The following NLE1 variants were observed in gnomAD, a reference collection of about 807,000 sequenced individuals.
The protein encoded by NLE1 is notchless homolog 1.
Under a neutral mutation model 62.8 loss-of-function variants are expected in NLE1, and 37 were observed. The ratio of observed to expected loss-of-function variants is 0.59; its 90% CI spans 0.45 to 0.78. The LOEUF (loss-of-function observed/expected upper bound fraction) is 0.78, where lower values mean the gene tolerates loss of function less well. NLE1 is among the 30% of genes least tolerant of loss of function. The pLI is 0.00. For synonymous variants in NLE1, 243 were observed against 253.0 expected (o/e 0.96, Z 0.37); for missense variants, 555 against 637.9 (o/e 0.87, Z 1.40).
intron 7 of NLE1, 113 bp downstream of exon 7, chr17:35,136,888 C>G (rs1364023644): frequency 1.9e-6 from 2 of 1,047,628 alleles, no homozygotes; most frequent in Non-Finnish European, 2.8e-6. Flanking sequence ...GACCAGGGCT[C>G]CCAGCACACA....
At position 35,136,462 on chromosome 17, in the gene NLE1, G is replaced by A. The variant is rs763290100; in HGVS notation, c.864C>T (p.His288=). The change falls in exon 8 of 13, where the codon CAC becomes CAT. Residue 288 remains histidine (H), a synonymous_variant. Transcript: ENST00000442241. ...TGCTGAGGGCCATGGTGTTCACCCA[G>A]TGGCCGTGGCCTTGCAGAGTCCGGC... ...VLCRTLQGHG[H]WVNTMALSTD... is the part of the protein sequence containing the mutation. The A allele has an allele frequency of 6.2e-7, 1 of 1,614,110 alleles. No homozygotes were observed. Among genetic ancestry groups the A allele is most frequent in the Non-Finnish European group, 8.5e-7 (1 of 1,179,946 alleles).
In NLE1 at chr17:35,141,968, C is replaced by A; in HGVS notation, c.162+11G>T. On this transcript the variant is annotated intron_variant, in intron 2 of 12. Transcript: ENST00000442241. Reference sequence around the variant, plus strand: ...GGTGGAGATGCGAGGCCGCCCTGGCCAGCCACTTACCTGGGCCAGTAGCGC... The same window carrying A: ...GGTGGAGATGCGAGGCCGCCCTGGCAAGCCACTTACCTGGGCCAGTAGCGC... 6.4e-7 allele frequency: 1 copy of A among 1,565,844 alleles called. No individual in the cohort carries two copies. Among genetic ancestry groups the A allele is most frequent in the Non-Finnish European group, 8.7e-7 (1 of 1,155,698 alleles).
In NLE1 at chr17:35,135,315, T is replaced by G; in HGVS notation, c.1148A>C (p.Asp383Ala). The G allele has an allele frequency of 6.2e-7, 1 of 1,613,936 alleles. No homozygotes were observed. Among genetic ancestry groups the G allele is most frequent in the Non-Finnish European group, 8.5e-7 (1 of 1,179,994 alleles). The change falls in exon 10 of 13, where the codon GAC becomes GCC. Residue 383 changes from aspartate to alanine, a missense_variant. Transcript: ENST00000442241. Reference protein sequence around the residue: ...ALINQVLFSPDSRIVASASFD... With the variant: ...ALINQVLFSPASRIVASASFD... Reference sequence around the variant, plus strand: ...GGAGGCACTAGCCACGATGCGGGAGTCAGGAGAGAAGAGCACCTGGTTGAT... The same window carrying G: ...GGAGGCACTAGCCACGATGCGGGAGGCAGGAGAGAAGAGCACCTGGTTGAT...
Position 35,140,039 on chromosome 17 carries a change from C to A in NLE1, c.190G>T (p.Val64Phe), listed in dbSNP as rs2091933283. Residue 64 changes from valine to phenylalanine, a missense_variant, in exon 3 of 13, where the codon GTC (valine) becomes TTC (phenylalanine). Val to Phe is a conservative substitution (Grantham distance 50). Transcript: ENST00000442241. ...GAGGAGACGATCTCAGCATCGTGGA[C>A]AAAGAAAGCCAGTGGCAGGGGATCC... The part of the protein sequence containing the change: ...QEDPLPLAFF[V>F]HDAEIVSSLG... 1 of 1,613,664 alleles carries A rather than the reference C, an allele frequency of 6.2e-7. No homozygotes were observed. Among genetic ancestry groups the A allele is most frequent in the Non-Finnish European group, 8.5e-7 (1 of 1,180,016 alleles).
rs2091865403 is a variant in NLE1 at position 35,129,751 on chromosome 17, CAT to C, written c.*2684_*2685del. The C allele has an allele frequency of 2.0e-6, 3 of 1,503,550 alleles. No homozygotes were observed. Among genetic ancestry groups the C allele is most frequent in the African/African-American group, 1.4e-5 (1 of 71,262 alleles). 93.1% of individuals were successfully genotyped at this position (1,503,550 alleles called of 1,614,324 possible). On this transcript the variant is annotated 3_prime_UTR_variant, in exon 13 of 13. Coordinates refer to ENST00000442241, the MANE Select transcript of NLE1 (RefSeq NM_018096.5). Reference sequence around the variant, plus strand: ...GAGGTTGGGAACACCCCTATGCCCACATGACTCATCTGGCTAGCTTTCCTTCT... The same window carrying C: ...GAGGTTGGGAACACCCCTATGCCCACGACTCATCTGGCTAGCTTTCCTTCT...
Position 35,133,496 on chromosome 17 carries a change from T to G in NLE1, c.1217A>C (p.Tyr406Ser). 1 of 1,610,840 alleles carries G rather than the reference T, an allele frequency of 6.2e-7. No individual in the cohort carries two copies. The highest frequency in any genetic ancestry group is 8.5e-7 in the Non-Finnish European group (1 of 1,179,002). ...CACGTGGCCGCGTAGGGAAGCCAGG[T>G]ACCTGGTCCAGGAGAAGACGATGAT... The part of the protein sequence containing the change: ...IKLWDGRTGK[Y>S]LASLRGHVAA... The change falls in exon 11 of 13, where the codon TAC becomes TCC. Residue 406 changes from tyrosine to serine, a missense_variant and splice_region_variant. Transcript: ENST00000442241.
chr17:35,129,792 A>C lies in NLE1; in HGVS notation c.*2645T>G. On this transcript the variant is annotated 3_prime_UTR_variant, in exon 13 of 13. Transcript: ENST00000442241. The stretch of plus-strand genomic sequence containing the variant: ...AGCTTTCCTTCTGCCTGGGTCAAGA[A>C]GCATCAATTCCAGAATGCATGCTTC... 2 of 1,453,396 alleles carry C rather than the reference A, an allele frequency of 1.4e-6. No homozygotes were observed. Among genetic ancestry groups the C allele is most frequent in the Non-Finnish European group, 1.8e-6 (2 of 1,106,404 alleles). 90.0% of individuals were successfully genotyped at this position (1,453,396 alleles called of 1,614,324 possible).
intron 10 of NLE1, 40 bp downstream of exon 10, chr17:35,135,209 A>G (rs775875891): frequency 3.8e-6 from 6 of 1,596,538 alleles, no homozygotes; most frequent in Non-Finnish European, 5.2e-6. Context: ...CCCTCCCACC[A>G]TTCACTCCTT....
Position 35,129,372 on chromosome 17 carries a change from G to C in NLE1, c.*3065C>G. The C allele has an allele frequency of 6.3e-7, 1 of 1,588,176 alleles. No homozygotes were observed. The highest frequency in any genetic ancestry group is 8.6e-7 in the Non-Finnish European group (1 of 1,164,478). On this transcript the variant is annotated 3_prime_UTR_variant, in exon 13 of 13. Coordinates refer to ENST00000442241, the MANE Select transcript of NLE1 (RefSeq NM_018096.5). ...CCCCAGTTGGGAGGGTGAAGGGACA[G>C]GAAGGACAGGACATATCTGAGGAAG... is the stretch of plus-strand genomic sequence containing the variant.
chr17:35,133,071 A>T, intron 12 of NLE1, 100 bp downstream of exon 12: 1 of 1,169,144 alleles, frequency 8.6e-7, no homozygotes, highest in Non-Finnish European at 1.3e-6. Context: ...GAGCACCTGG[A>T]CGGCCCTGCG....
intron 10 of NLE1, 131 bp downstream of exon 10, chr17:35,135,118 A>G (rs774124214): frequency 6.7e-5 from 55 of 821,672 alleles, no homozygotes; most frequent in Non-Finnish European, 1.1e-4. Flanking sequence ...GGGGGTCTGC[A>G]TATTACCAAA....
chr17:35,141,609 T>C (rs2091944541), intron 2 of NLE1, among the ~76,000 whole-genome samples: 1 of 150,996 alleles, frequency 6.6e-6, no homozygotes, highest in African/African-American at 2.4e-5. Context: ...GGTATTCGGA[T>C]AGTTTTGGGT....
rs1325347055 is a variant in NLE1 at position 35,137,865 on chromosome 17, T to C, written c.486A>G (p.Ile162Met). The C allele has an allele frequency of 2.5e-6, 4 of 1,613,506 alleles. No homozygotes were observed. In the South Asian group the frequency reaches 4.4e-5, roughly 18 times the overall value. The change falls in exon 5 of 13, where the codon ATA (isoleucine) becomes ATG (methionine). Residue 162 changes from isoleucine (I) to methionine (M), a missense_variant. Physicochemically the swap from Ile to Met is conservative, Grantham distance 10. Transcript: ENST00000442241. ...CKGHRHWVLS[I>M]SWSPDGRKLA... ...GCTTCCTGCCATCTGGAGACCAGGA[T>C]ATACTAAGGACCCAGTGTCTGTGTC...
intron 10 of NLE1, among the ~76,000 whole-genome samples, chr17:35,134,246 A>G (rs2091895109): frequency 6.6e-6 from 1 of 152,170 alleles, no homozygotes; most frequent in African/African-American, 2.4e-5. Context: ...CTCCCAGGTG[A>G]TGCTGATGCC....
At position 35,129,486 on chromosome 17, in the gene NLE1, T is replaced by C; in HGVS notation, c.*2951A>G. On this transcript the variant is annotated 3_prime_UTR_variant, in exon 13 of 13. Coordinates refer to ENST00000442241, the MANE Select transcript of NLE1 (RefSeq NM_018096.5). ...TTCTACCAGCTCCTGTTACAGGAGG[T>C]GGCCAAGACACAGGAGAATGAGTTG... 6.2e-7 allele frequency: 1 copy of C among 1,614,104 alleles called. No homozygotes were observed. The highest frequency in any genetic ancestry group is 8.5e-7 in the Non-Finnish European group (1 of 1,180,028).
At position 35,137,618 on chromosome 17, in the gene NLE1, G is replaced by T; in HGVS notation, c.560C>A (p.Thr187Lys). ...NGQILLWDPS[T>K]GKQVGRTLAG... ...GAGGGTCCTGCCCACCTGCTTCCCT[G>T]TGCTTGGGTCCCAGAGGAGAATCTG... The change falls in exon 6 of 13, where the codon ACA becomes AAA. Residue 187 changes from threonine to lysine, a missense_variant. Physicochemically the swap from Thr to Lys is moderately conservative, Grantham distance 78 (BLOSUM62 -1). Transcript: ENST00000442241. 6.2e-7 allele frequency: 1 copy of T among 1,610,538 alleles called. No individual in the cohort carries two copies.
At chr17:35,134,174 T>TA (rs2091894603) in intron 10 of NLE1, among the ~76,000 whole-genome samples, 1 of 152,174 alleles carries the variant, frequency 6.6e-6, no homozygotes. Flanking sequence ...GTAACTTTGT[T>TA]AAAATGAAGA....
rs1199446044 is a variant in NLE1, at chr17:35,135,370, G to C, written c.1093C>G (p.Leu365Val). ...GCTTGGTGTCCTGTCATCCGAGTGA[G>C]AGGCTTTTTGTCCTCTGCTGGGGAC... The part of the protein sequence containing the change: ...LWSPAEDKKP[L>V]TRMTGHQALI... The change falls in exon 10 of 13, where the codon CTC (leucine) becomes GTC (valine). Residue 365 changes from leucine to valine, a missense_variant. Physicochemically the swap from Leu to Val is conservative, Grantham distance 32 (BLOSUM62 1). Transcript: ENST00000442241. The C allele has an allele frequency of 6.2e-7, 1 of 1,614,242 alleles. No individual in the cohort carries two copies. The highest frequency in any genetic ancestry group is 1.1e-5 in the South Asian group (1 of 91,088).
rs2091911039 is a variant in NLE1 at position 35,136,706 on chromosome 17, T to C, written c.829-209A>G. Among the ~76,000 whole-genome samples, 5 of 152,176 alleles carry C rather than the reference T, an allele frequency of 3.3e-5. No homozygotes were observed. The South Asian group carries it at 1.0e-3, about 31-fold the overall frequency. On this transcript the variant is annotated intron_variant, in intron 7 of 12. Coordinates refer to ENST00000442241, the MANE Select transcript of NLE1 (RefSeq NM_018096.5). The stretch of plus-strand genomic sequence containing the variant: ...TTTCATGGAAGAGGAGTTAGGGATG[T>C]CAGAGTAAACGGCTCCTGTCCAATA...
Sources: allele counts gnomAD v4.1 joint callset (sites outside exome capture counted in the v4.1 genomes callset), GRCh38; gene constraint gnomAD v4.1.1; transcripts MANE v1.5; gene names NCBI Gene and HGNC (gene_info 2026-07-23, HGNC 2026-07-21).